Variants in PALLD observed in about 807,000 individuals in gnomAD.
PALLD encodes the protein palladin.
PALLD carries 61 observed loss-of-function variants against 123.5 expected under a neutral mutation model. That is an observed-to-expected ratio of 0.49 (90% CI 0.40 to 0.61). The LOEUF is 0.61. Ranked by LOEUF, PALLD falls within the 20% of genes least tolerant of loss-of-function variation. The pLI is 0.00. For missense variants in PALLD, 1,273 were observed against 1,377.0 expected, an observed-to-expected ratio of 0.92 and a Z score of 1.20; for synonymous variants, 465 against 496.4, an observed-to-expected ratio of 0.94 and a Z score of 0.84.
chr4:168,898,517 C>G lies in PALLD; in HGVS notation c.2275C>G (p.Gln759Glu), dbSNP rs1050591975. 3.7e-6 allele frequency: 6 copies of G among 1,612,654 alleles called. No individual in the cohort carries two copies. Among genetic ancestry groups the G allele is most frequent in the Non-Finnish European group, 5.1e-6 (6 of 1,178,680 alleles). ...QKEYKVSSCE[Q>E]RLISEIEYRL... ...GGAATACAAAGTCTCCAGCTGTGAA[C>G]AGAGACTCATCAGTGAAATAGAGTA... is the stretch of plus-strand genomic sequence containing the variant. Residue 759 changes from glutamine to glutamate, a missense_variant, in exon 14 of 22, where the codon CAG becomes GAG. This residue lies in a region of PALLD where 944 missense variants were observed against 954.5 expected (regional missense o/e 0.99). Coordinates refer to ENST00000505667, the MANE Select transcript of PALLD (RefSeq NM_001166108.2).
At chr4:168,743,274 C>T (rs1296955752) in intron 10 of PALLD, among the ~76,000 whole-genome samples, 1 of 152,138 alleles carries the variant, frequency 6.6e-6, no homozygotes, top group Non-Finnish European at 1.5e-5. Flanking sequence ...GAGTGACATC[C>T]ATCTGGATGC....
chr4:168,643,967 G>A (rs1257593620), intron 2 of PALLD, among the ~76,000 whole-genome samples: 1 of 152,088 alleles, frequency 6.6e-6, no homozygotes, highest in Non-Finnish European at 1.5e-5. Flanking sequence ...GCTGACTCCG[G>A]AACTCATGCT....
intron 10 of PALLD, among the ~76,000 whole-genome samples, chr4:168,880,855 C>A (rs75227472): frequency 1.3e-5 from 2 of 152,082 alleles, no homozygotes; most frequent in Non-Finnish European, 2.9e-5. Flanking sequence ...TTTTCACTTG[C>A]CTTGTTTTAC....
intron 10 of PALLD, among the ~76,000 whole-genome samples, chr4:168,810,784 C>A (rs1423134783): frequency 6.7e-6 from 1 of 149,018 alleles, no homozygotes; most frequent in Non-Finnish European, 1.5e-5. Context: ...GTCCGCAGTC[C>A]GGCCTGGGCG....
intron 10 of PALLD, chr4:168,831,894 AGG>A: frequency 1.7e-6 from 1 of 583,272 alleles, no homozygotes; most frequent in Non-Finnish European, 2.2e-6. Context: ...AAAGATGCAA[AGG>A]GCGGGACAAG....
intron 1 of PALLD, among the ~76,000 whole-genome samples, chr4:168,505,279 G>C (rs1352381396): frequency 6.6e-6 from 1 of 152,158 alleles, no homozygotes; most frequent in East Asian, 1.9e-4. Context: ...ACCTAATCCT[G>C]ACTACTGGAT....
intron 11 of PALLD, among the ~76,000 whole-genome samples, chr4:168,893,760 T>C (rs932363866): frequency 4.6e-5 from 7 of 152,212 alleles, no homozygotes; most frequent in African/African-American, 1.4e-4. Context: ...GCATTTCTTA[T>C]GTATAAGAAT....
intron 2 of PALLD, among the ~76,000 whole-genome samples, chr4:168,555,828 T>C (rs1038404342): frequency 4.6e-5 from 7 of 152,194 alleles, no homozygotes; most frequent in African/African-American, 1.7e-4. Flanking sequence ...AATAAATTAT[T>C]CAAAAGCTTA....
At chr4:168,794,511 C>CACAA (rs1232259974) in intron 10 of PALLD, among the ~76,000 whole-genome samples, 1 of 145,414 alleles carries the variant, frequency 6.9e-6, no homozygotes, top group African/African-American at 2.7e-5. Flanking sequence ...CACACGCACA[C>CACAA]ACACACACAC....
chr4:168,760,771 C>T (rs1433921284), intron 10 of PALLD, among the ~76,000 whole-genome samples: 3 of 152,184 alleles, frequency 2.0e-5, no homozygotes. Flanking sequence ...TTTCTGTTTT[C>T]TCCTTCAGGT....
intron 2 of PALLD, among the ~76,000 whole-genome samples, chr4:168,529,169 T>G (rs1290945726): frequency 6.6e-6 from 1 of 152,100 alleles, no homozygotes; most frequent in African/African-American, 2.4e-5. Context: ...ACTTCATCTC[T>G]ACTAAAAATA....
At chr4:168,756,082 A>T (rs560522002) in intron 10 of PALLD, 99 of 170,084 alleles carry the variant, frequency 5.8e-4, no homozygotes, top group Admixed American at 1.1e-3. Flanking sequence ...CTGTGACAAG[A>T]TGAGGTCTCT....
intron 2 of PALLD, among the ~76,000 whole-genome samples, chr4:168,564,332 C>T (rs1189742270): frequency 6.6e-6 from 1 of 152,188 alleles, no homozygotes; most frequent in African/African-American, 2.4e-5. Flanking sequence ...CTCCTTCAAC[C>T]TACCATGACG....
intron 2 of PALLD, among the ~76,000 whole-genome samples, chr4:168,549,966 T>C (rs1348142908): frequency 6.6e-6 from 1 of 152,236 alleles, no homozygotes; most frequent in African/African-American, 2.4e-5. Context: ...ATTTACACTT[T>C]CATCCATGTT....
intron 10 of PALLD, among the ~76,000 whole-genome samples, chr4:168,741,623 G>A (rs568824090): frequency 2.0e-5 from 3 of 152,270 alleles, no homozygotes; most frequent in South Asian, 4.2e-4. Context: ...ATTCAAGGCT[G>A]CAGTGAGCTA....
chr4:168,662,901 A>C lies in PALLD; in HGVS notation c.909-5289A>C, dbSNP rs150278431. Among the ~76,000 whole-genome samples the C allele has an allele frequency of 2.0e-3, 309 of 152,332 alleles. 2 individuals carry two copies. The highest frequency in any genetic ancestry group is 7.0e-3 in the African/African-American group (289 of 41,572). On this transcript the variant is annotated intron_variant, in intron 2 of 21. Coordinates refer to ENST00000505667, the MANE Select transcript of PALLD (RefSeq NM_001166108.2). The stretch of plus-strand genomic sequence containing the variant: ...ACAAGAAGGTGATGCATCTTTAATC[A>C]GCTACATGAAGAGTGGATGAGGCAG...
chr4:168,896,599 G>A lies in PALLD; in HGVS notation c.2250G>A (p.Lys750=), dbSNP rs1755229077. Residue 750 remains lysine, a splice_region_variant and synonymous_variant, in exon 13 of 22, where the codon AAG becomes AAA. Transcript: ENST00000505667. The stretch of plus-strand genomic sequence containing the variant: ...TAGGGAGTCCTCTGGATGGTCAAAA[G>A]GTTAAGCTTTTCACCTTTCTTCTCC... ...ASVGSPLDGQ[K]EYKVSSCEQR... is the part of the protein sequence containing the mutation. The A allele has an allele frequency of 2.7e-6, 4 of 1,497,692 alleles. No homozygotes were observed. The highest frequency in any genetic ancestry group is 2.8e-5 in the African/African-American group (2 of 72,042). 92.8% of individuals were successfully genotyped at this position (1,497,692 alleles called of 1,614,324 possible).
chr4:168,922,102 T>TATATAC (rs1459158507), intron 18 of PALLD, among the ~76,000 whole-genome samples: 2 of 132,604 alleles, frequency 1.5e-5, no homozygotes, highest in Non-Finnish European at 3.1e-5. Context: ...TATATATATA[T>TATATAC]ACACACACAC....
At chr4:168,901,726 C>T (rs1225466930) in intron 14 of PALLD, among the ~76,000 whole-genome samples, 13 of 152,032 alleles carry the variant, frequency 8.6e-5, no homozygotes, top group South Asian at 2.1e-4. Context: ...AGCATGGAGG[C>T]GCACACCTGT....
Sources: allele counts gnomAD v4.1 joint callset (sites outside exome capture counted in the v4.1 genomes callset), GRCh38; gene constraint gnomAD v4.1.1; regional missense constraint gnomAD v4.1.1; transcripts MANE v1.5; gene names NCBI Gene and HGNC (gene_info 2026-07-23, HGNC 2026-07-21).